The following CNNM4 variants were observed in gnomAD, a reference collection of about 807,000 sequenced individuals.
The protein encoded by CNNM4 is cyclin and CBS domain divalent metal cation transport mediator 4, also known as metal transporter CNNM4.
In CNNM4, 32 loss-of-function variants were observed where a neutral mutation model predicts 53.7. The ratio of observed to expected loss-of-function variants is 0.60; its 90% CI spans 0.45 to 0.80. CNNM4 has a LOEUF of 0.80. Among genes scored for constraint, CNNM4 ranks in the 30% least tolerant of loss-of-function variants. CNNM4 has a pLI of 0.00. For missense variants in CNNM4, 784 were observed against 1,022.0 expected (o/e 0.77, Z 3.17); for synonymous variants, 410 against 440.0 (o/e 0.93, Z 0.85).
At chr2:96,765,029 T>G (rs1170137282) in intron 1 of CNNM4, among the ~76,000 whole-genome samples, 60 of 62,010 alleles carry the variant, frequency 9.7e-4, no homozygotes, top group African/African-American at 8.0e-3. Flanking sequence ...GAATGGTTTT[T>G]TTTTTTTTTT....
rs1333936007 is a variant in CNNM4 at position 96,761,357 on chromosome 2, C to T, written c.358C>T (p.Leu120=). ...ELTKDLVVQQ[L]VNVSRGNTSG... Reference sequence around the variant, plus strand: ...CACCAAGGACCTGGTCGTCCAGCAGCTGGTCAACGTGAGCCGCGGGAACAC... The same window carrying T: ...CACCAAGGACCTGGTCGTCCAGCAGTTGGTCAACGTGAGCCGCGGGAACAC... The change falls in exon 1 of 7, where the codon CTG becomes TTG. Residue 120 remains leucine, a synonymous_variant. Transcript: ENST00000377075. This position sits in a 1 kb window ranked among gnomAD's most constrained non-coding sequence, Gnocchi z 6.0. 6.2e-7 allele frequency: 1 copy of T among 1,614,100 alleles called. No homozygotes were observed. Among genetic ancestry groups the T allele is most frequent in the Non-Finnish European group, 8.5e-7 (1 of 1,180,040 alleles).
intron 6 of CNNM4, 138 bp from the exon 7 acceptor site, chr2:96,809,182 G>GT: frequency 6.5e-7 from 1 of 1,532,218 alleles, no homozygotes. Flanking sequence ...CTTGTTCTTT[G>GT]TAAGGGCTTC....
chr2:96,804,386 AC>A (rs776274570), intron 5 of CNNM4, among the ~76,000 whole-genome samples: 74 of 139,858 alleles, frequency 5.3e-4, no homozygotes, highest in Admixed American at 8.5e-4. Flanking sequence ...TGCGCCAGGA[AC>A]CCCCAGCTAA....
chr2:96,786,885 C>T (rs1333001357), intron 1 of CNNM4, among the ~76,000 whole-genome samples: 1 of 150,558 alleles, frequency 6.6e-6, no homozygotes, highest in Non-Finnish European at 1.5e-5. Context: ...GATATTGCTT[C>T]TCCCCCAATA....
intron 1 of CNNM4, among the ~76,000 whole-genome samples, chr2:96,788,306 G>A (rs896567648): frequency 3.3e-5 from 5 of 150,254 alleles, no homozygotes; most frequent in Non-Finnish European, 1.5e-5. Context: ...AGAGTCTAGC[G>A]AGTATAGAGT....
chr2:96,764,801 C>T (rs913994237), intron 1 of CNNM4, among the ~76,000 whole-genome samples: 1 of 152,068 alleles, frequency 6.6e-6, no homozygotes, highest in Non-Finnish European at 1.5e-5. Flanking sequence ...TCCTGGCTAA[C>T]ATGGTGAAAC....
Position 96,799,566 on chromosome 2 carries a change from G to A in CNNM4, c.1866G>A (p.Val622=), listed in dbSNP as rs2153349810. ...TGTTTTTTCAGGGGAAGGTGGAGGT[G>A]GAGGCAGGGAAGGAGAACATGAAGT... is the stretch of plus-strand genomic sequence containing the variant. The part of the protein sequence containing the change: ...FILILQGKVE[V]EAGKENMKFE... The change falls in exon 5 of 7, where the codon GTG becomes GTA. Residue 622 remains valine (V), a synonymous_variant. Transcript: ENST00000377075. 1 of 1,555,130 alleles carries A rather than the reference G, an allele frequency of 6.4e-7. No homozygotes were observed. Among genetic ancestry groups the A allele is most frequent in the Non-Finnish European group, 8.7e-7 (1 of 1,148,684 alleles).
At position 96,761,617 on chromosome 2, in the gene CNNM4, T is replaced by C. The variant is rs746175262; in HGVS notation, c.618T>C (p.Leu206=). 5 of 1,613,922 alleles carry C rather than the reference T, an allele frequency of 3.1e-6. No homozygotes were observed. The highest frequency in any genetic ancestry group is 4.2e-6 in the Non-Finnish European group (5 of 1,179,928). The change falls in exon 1 of 7, where the codon CTT becomes CTC. Residue 206 remains leucine, a synonymous_variant. Coordinates refer to ENST00000377075, the MANE Select transcript of CNNM4 (RefSeq NM_020184.4). This position sits in a 1 kb window ranked among gnomAD's most constrained non-coding sequence, Gnocchi z 6.0. Reference sequence around the variant, plus strand: ...TATTTTCTGGCCTCAACCTCGGGCTTATGGCCCTGGACCCCATGGAGCTGC... The same window carrying C: ...TATTTTCTGGCCTCAACCTCGGGCTCATGGCCCTGGACCCCATGGAGCTGC... ...SGIFSGLNLG[L]MALDPMELRI...
At chr2:96,809,209 T>C in intron 6 of CNNM4, 111 bp from the exon 7 acceptor site, 1 of 1,553,840 alleles carries the variant, frequency 6.4e-7, no homozygotes, top group Non-Finnish European at 8.7e-7. Context: ...CGCTGACTGG[T>C]CATGTTCTCT....
Position 96,796,131 on chromosome 2 carries a change from C to CTTTTT in CNNM4, c.1403-854_1403-850dup, listed in dbSNP as rs796494842. ...CCTGATAAGTGATACCAGACAGGGT[C>CTTTTT]TTTTTTTTTTTTTTTTTTTTTTTTT... On this transcript the variant is annotated intron_variant, in intron 1 of 6. Coordinates refer to ENST00000377075, the MANE Select transcript of CNNM4 (RefSeq NM_020184.4). Among the ~76,000 whole-genome samples the CTTTTT allele has an allele frequency of 1.3e-3, 67 of 50,686 alleles. 5 individuals carry two copies. Among genetic ancestry groups the CTTTTT allele is most frequent in the South Asian group, 1.8e-3 (2 of 1,122 alleles). The allele number at this position is 50,686 out of a possible 152,430, so 33.3% of individuals were successfully genotyped here.
rs1342806878 is a variant in CNNM4, at chr2:96,806,089, CA to C, written c.1949-2470del. Among the ~76,000 whole-genome samples the C allele has an allele frequency of 3.4e-5, 5 of 146,074 alleles. No individual in the cohort carries two copies. In the South Asian group the frequency reaches 6.3e-4, roughly 18 times the overall value. On this transcript the variant is annotated intron_variant, in intron 5 of 6. Coordinates refer to ENST00000377075, the MANE Select transcript of CNNM4 (RefSeq NM_020184.4). ...GCCGGGCAGGGGGGCTGACCCCCCCCAACCTCCCTCCCGGAGGGGGCGGCTG... is the reference window on the plus strand; with the variant it reads ...GCCGGGCAGGGGGGCTGACCCCCCCCACCTCCCTCCCGGAGGGGGCGGCTG...
At chr2:96,781,345 C>T (rs1051943827) in intron 1 of CNNM4, among the ~76,000 whole-genome samples, 3 of 151,750 alleles carry the variant, frequency 2.0e-5, no homozygotes, top group African/African-American at 7.3e-5. Context: ...GGATTACAGA[C>T]TTGAGCCACC....
chr2:96,762,079 T>C lies in CNNM4; in HGVS notation c.1080T>C (p.Asn360=). 1 of 1,614,078 alleles carries C rather than the reference T, an allele frequency of 6.2e-7. No individual in the cohort carries two copies. ...ATGACCTCGTGAAAGAGGAGCTCAA[T>C]ATGATCCAGGGTGCCCTGGAACTAC... is the stretch of plus-strand genomic sequence containing the variant. ...PYNDLVKEEL[N]MIQGALELRT... The change falls in exon 1 of 7, where the codon AAT becomes AAC. Residue 360 remains asparagine, a synonymous_variant. Transcript: ENST00000377075.
intron 1 of CNNM4, among the ~76,000 whole-genome samples, chr2:96,773,419 GA>G (rs1257643884): frequency 3.9e-5 from 6 of 152,296 alleles, no homozygotes; most frequent in Non-Finnish European, 8.8e-5. Context: ...AGTTGACACT[GA>G]TGCCAACCTG....
chr2:96,763,827 C>T (rs2078787544), intron 1 of CNNM4, among the ~76,000 whole-genome samples: 1 of 149,578 alleles, frequency 6.7e-6, no homozygotes, highest in African/African-American at 2.5e-5. Context: ...GGAAGGTGGC[C>T]TCCCTGCAGA....
chr2:96,764,986 CAA>C (rs370805733), intron 1 of CNNM4, among the ~76,000 whole-genome samples: 1 of 55,780 alleles, frequency 1.8e-5, no homozygotes, highest in Non-Finnish European at 3.5e-5. Flanking sequence ...GACTCTGTTT[CAA>C]AAAAAAAAGA....
Position 96,808,262 on chromosome 2 carries a change from G to A in CNNM4, c.1949-299G>A, listed in dbSNP as rs1574088875. On this transcript the variant is annotated intron_variant, in intron 5 of 6. Coordinates refer to ENST00000377075, the MANE Select transcript of CNNM4 (RefSeq NM_020184.4). This position sits in a 1 kb window ranked among gnomAD's most constrained non-coding sequence, Gnocchi z 4.9. ...TGACTGATTGGTTGTTGTGGGAAACGAGAGATTTTGTAGCCATAAACTTTC... is the reference window on the plus strand; with the variant it reads ...TGACTGATTGGTTGTTGTGGGAAACAAGAGATTTTGTAGCCATAAACTTTC... 6.6e-6 allele frequency among the ~76,000 whole-genome samples: 1 copy of A among 152,194 alleles called. No homozygotes were observed. Among genetic ancestry groups the A allele is most frequent in the Non-Finnish European group, 1.5e-5 (1 of 68,032 alleles).
rs535455618 is a variant in CNNM4, at chr2:96,772,980, C to G, written c.1402+10579C>G. Reference sequence around the variant, plus strand: ...TCTCACACACTTGCACACACACACACTCCTACCTCCCAGATGCACAGGCAG... The same window carrying G: ...TCTCACACACTTGCACACACACACAGTCCTACCTCCCAGATGCACAGGCAG... On this transcript the variant is annotated intron_variant, in intron 1 of 6. Transcript: ENST00000377075. Among the ~76,000 whole-genome samples, 4 of 152,128 alleles carry G rather than the reference C, an allele frequency of 2.6e-5. No individual in the cohort carries two copies. In the East Asian group the frequency reaches 5.8e-4, roughly 22 times the overall value.
chr2:96,770,099 G>C (rs1324115652), intron 1 of CNNM4, among the ~76,000 whole-genome samples: 1 of 152,238 alleles, frequency 6.6e-6, no homozygotes, highest in African/African-American at 2.4e-5. Flanking sequence ...CTATGGGCGG[G>C]TTCCCAAAGA....
Sources: allele counts gnomAD v4.1 joint callset (sites outside exome capture counted in the v4.1 genomes callset), GRCh38; gene constraint gnomAD v4.1.1; non-coding constraint Gnocchi (gnomAD v3.1); transcripts MANE v1.5; gene names NCBI Gene and HGNC (gene_info 2026-07-23, HGNC 2026-07-21).